The following MMP16 variants were observed in gnomAD, a reference collection of about 807,000 sequenced individuals.
MMP16 encodes matrix metalloproteinase-16.
In MMP16, 12 loss-of-function variants were observed where a neutral mutation model predicts 67.8. The observed-to-expected ratio is 0.18, with a 90% confidence interval of 0.11 to 0.29. The LOEUF (loss-of-function observed/expected upper bound fraction) is 0.29. Among genes scored for constraint, MMP16 ranks in the 10% least tolerant of loss-of-function variants. The pLI is 1.00. For missense variants in MMP16, 475 were observed against 765.7 expected, an observed-to-expected ratio of 0.62 and a Z score of 4.48; for synonymous variants, 249 against 255.9, an observed-to-expected ratio of 0.97 and a Z score of 0.26.
chr8:88,111,296 T>C lies in MMP16; in HGVS notation c.1083+5211A>G, dbSNP rs193070867. Among the ~76,000 whole-genome samples, 151 of 151,888 alleles carry C rather than the reference T, an allele frequency of 9.9e-4. 1 individual carries two copies. The East Asian group carries it at 0.016, about 16-fold the overall frequency. On this transcript the variant is annotated intron_variant, in intron 6 of 9. Transcript: ENST00000286614. ...TTTTGAAATTCTACACATATTGCAG[T>C]TCCTTTTCATATATCTAGACCAATG...
At chr8:88,110,479 T>C (rs1809314866) in intron 6 of MMP16, among the ~76,000 whole-genome samples, 1 of 151,592 alleles carries the variant, frequency 6.6e-6, no homozygotes, top group South Asian at 2.1e-4. Context: ...GCTTTCAATG[T>C]CTTGACGATT....
At chr8:88,204,405 T>C (rs1435743385) in intron 1 of MMP16, among the ~76,000 whole-genome samples, 1 of 152,088 alleles carries the variant, frequency 6.6e-6, no homozygotes, top group Non-Finnish European at 1.5e-5. Flanking sequence ...AAGATAAAGA[T>C]TATAAATAAA....
rs567213053 is a variant in MMP16, at chr8:88,215,979, A to G, written c.133-18673T>C. Among the ~76,000 whole-genome samples the G allele has an allele frequency of 4.6e-5, 7 of 152,306 alleles. No homozygotes were observed. The East Asian group carries it at 1.4e-3, about 29-fold the overall frequency. On this transcript the variant is annotated intron_variant, in intron 1 of 9. Coordinates refer to ENST00000286614, the MANE Select transcript of MMP16 (RefSeq NM_005941.5). ...ATCAGATAATGACCATGCATGCTCA[A>G]AATATTTGGTATGATTTTACATATA... is the stretch of plus-strand genomic sequence containing the variant.
chr8:88,107,130 T>C (rs1248995553), intron 6 of MMP16, among the ~76,000 whole-genome samples: 1 of 151,212 alleles, frequency 6.6e-6, no homozygotes, highest in Non-Finnish European at 1.5e-5. Context: ...TTGTCCCATC[T>C]AGCAGTCTCT....
chr8:88,096,448 G>A (rs1809027867), intron 6 of MMP16, among the ~76,000 whole-genome samples: 2 of 151,812 alleles, frequency 1.3e-5, no homozygotes, highest in Admixed American at 6.6e-5. Context: ...TGATGGCAAT[G>A]GCATTATTTT....
At chr8:88,302,224 T>C (rs991095729) in intron 1 of MMP16, among the ~76,000 whole-genome samples, 1 of 152,194 alleles carries the variant, frequency 6.6e-6, no homozygotes, top group African/African-American at 2.4e-5. Context: ...AAGAGCAACA[T>C]TTTCAGCACT....
chr8:88,088,728 C>T (rs1379990567), intron 6 of MMP16, among the ~76,000 whole-genome samples: 2 of 152,040 alleles, frequency 1.3e-5, no homozygotes, highest in African/African-American at 2.4e-5. Flanking sequence ...AAGGTAACTG[C>T]CCTTCTTTAC....
intron 2 of MMP16, among the ~76,000 whole-genome samples, chr8:88,188,899 C>T (rs1230483554): frequency 6.6e-6 from 1 of 152,192 alleles, no homozygotes; most frequent in African/African-American, 2.4e-5. Flanking sequence ...AGGTGATCTG[C>T]TTGCCTCGGC....
chr8:88,244,706 C>A (rs1810083947), intron 1 of MMP16, among the ~76,000 whole-genome samples: 4 of 152,128 alleles, frequency 2.6e-5, no homozygotes, highest in Non-Finnish European at 2.9e-5. Context: ...GGTGCTTGAA[C>A]ACAAGCAGTG....
intron 6 of MMP16, among the ~76,000 whole-genome samples, chr8:88,113,057 T>G (rs1348267200): frequency 2.6e-5 from 4 of 151,834 alleles, no homozygotes; most frequent in African/African-American, 9.7e-5. Flanking sequence ...AAAAATAATA[T>G]TGGTCACAGT....
intron 4 of MMP16, among the ~76,000 whole-genome samples, chr8:88,120,239 G>A (rs942169043): frequency 7.9e-5 from 12 of 151,972 alleles, no homozygotes; most frequent in Non-Finnish European, 2.9e-5. Flanking sequence ...ACATAACTAT[G>A]ACAGTGTTTG....
At chr8:88,129,620 T>C (rs1807993224) in intron 4 of MMP16, among the ~76,000 whole-genome samples, 1 of 151,564 alleles carries the variant, frequency 6.6e-6, no homozygotes, top group Non-Finnish European at 1.5e-5. Context: ...TTTCTATTAA[T>C]ATTTTAGAGT....
chr8:88,246,449 T>C (rs1220475322), intron 1 of MMP16, among the ~76,000 whole-genome samples: 1 of 152,202 alleles, frequency 6.6e-6, no homozygotes, highest in Non-Finnish European at 1.5e-5. Context: ...TCTGGTCACC[T>C]TGAAGACTGT....
At chr8:88,100,265 C>A (rs1237721096) in intron 6 of MMP16, among the ~76,000 whole-genome samples, 2 of 151,798 alleles carry the variant, frequency 1.3e-5, no homozygotes, top group African/African-American at 4.8e-5. Flanking sequence ...ACAAAGAACT[C>A]ACACAAATTT....
chr8:88,099,339 C>G (rs971978721), intron 6 of MMP16, among the ~76,000 whole-genome samples: 1 of 151,714 alleles, frequency 6.6e-6, no homozygotes, highest in Middle Eastern at 3.4e-3. Context: ...AGTCTAGAAC[C>G]TTTTGGTTTT....
chr8:88,216,524 A>G (rs952038250), intron 1 of MMP16, among the ~76,000 whole-genome samples: 4 of 152,164 alleles, frequency 2.6e-5, no homozygotes, highest in Non-Finnish European at 4.4e-5. Flanking sequence ...ATAGCAAAAG[A>G]GTCCATTTCA....
intron 1 of MMP16, among the ~76,000 whole-genome samples, chr8:88,316,558 C>T (rs763401424): frequency 5.9e-5 from 9 of 152,296 alleles, no homozygotes; most frequent in African/African-American, 9.6e-5. Flanking sequence ...TTGAAGCCCA[C>T]TGAGACTTAC....
At position 88,118,696 on chromosome 8, in the gene MMP16, C is replaced by T. The variant is rs28907635; in HGVS notation, c.871+4G>A. The T allele has an allele frequency of 6.2e-7, 1 of 1,611,864 alleles. No homozygotes were observed. Among genetic ancestry groups the T allele is most frequent in the African/African-American group, 1.3e-5 (1 of 74,882 alleles). ...TTAAGCAAATTGAAACAGTAGTAAC[C>T]TACCATATATCTTCTGGATGCCCTG... On this transcript the variant is annotated splice_donor_region_variant and intron_variant, in intron 5 of 9. Transcript: ENST00000286614.
intron 1 of MMP16, among the ~76,000 whole-genome samples, chr8:88,289,614 A>G (rs1226070181): frequency 6.6e-6 from 1 of 151,886 alleles, no homozygotes; most frequent in Non-Finnish European, 1.5e-5. Flanking sequence ...ATTTCTCATT[A>G]TATGTGATGG....
Sources: gnomAD v4.1 joint callset for allele counts (sites outside exome capture counted in the v4.1 genomes callset) on GRCh38, gnomAD v4.1.1 for gene constraint, MANE v1.5 for transcripts, NCBI Gene and HGNC (gene_info 2026-07-23, HGNC 2026-07-21) for gene names.